Variants in RALYL observed in about 807,000 individuals in gnomAD.
RALYL encodes RNA-binding Raly-like protein.
A neutral mutation model predicts 35.1 loss-of-function variants in RALYL; 29 were observed. The ratio of observed to expected loss-of-function variants is 0.83; its 90% CI spans 0.61 to 1.13. RALYL has a LOEUF of 1.13. Among genes scored for constraint, RALYL ranks in the 50% most tolerant of loss-of-function variants. RALYL has a pLI of 0.00. For missense variants in RALYL, 359 were observed against 360.4 expected (o/e 1.00, Z 0.03); for synonymous variants, 120 against 127.6 (o/e 0.94, Z 0.40).
chr8:84,895,282 A>C (rs1240067624), intron 8 of RALYL, among the ~76,000 whole-genome samples: 1 of 152,020 alleles, frequency 6.6e-6, no homozygotes, highest in Non-Finnish European at 1.5e-5. Context: ...TAAGATAAAC[A>C]ACCATGGTGC....
chr8:84,640,323 G>A (rs1826037187), intron 2 of RALYL, among the ~76,000 whole-genome samples: 2 of 151,916 alleles, frequency 1.3e-5, no homozygotes, highest in Non-Finnish European at 2.9e-5. Flanking sequence ...AACCTAAAAT[G>A]TTGTCTCTTA....
intron 1 of RALYL, among the ~76,000 whole-genome samples, chr8:84,242,031 G>A (rs571150666): frequency 1.3e-5 from 2 of 152,130 alleles, no homozygotes; most frequent in African/African-American, 4.8e-5. Flanking sequence ...AGGCCCTAGT[G>A]TGTGTTGTTC....
intron 2 of RALYL, among the ~76,000 whole-genome samples, chr8:84,716,960 G>A (rs538926204): frequency 1.3e-5 from 2 of 152,108 alleles, no homozygotes; most frequent in South Asian, 2.1e-4. Flanking sequence ...AGGCCAAGGC[G>A]GGCAGATCAC....
At chr8:84,574,646 G>T (rs1808875995) in intron 2 of RALYL, among the ~76,000 whole-genome samples, 1 of 151,946 alleles carries the variant, frequency 6.6e-6, no homozygotes. Context: ...CATGTTTCTT[G>T]TCTCTGTTTT....
intron 8 of RALYL, among the ~76,000 whole-genome samples, chr8:84,912,477 A>T (rs1391570165): frequency 9.9e-5 from 15 of 152,100 alleles, no homozygotes; most frequent in Non-Finnish European, 5.9e-5. Flanking sequence ...TATTAAAGTT[A>T]TGTGCACATA....
rs1223636620 is a variant in RALYL, at chr8:84,362,733, G to C, written c.-23-166566G>C. ...TTGTCTTTCAGGAAACCAGTCCCTG[G>C]TGTAAAAAATTTGGAGACCACTGCT... On this transcript the variant is annotated intron_variant, in intron 1 of 8. Coordinates refer to ENST00000521268, the MANE Select transcript of RALYL (RefSeq NM_173848.7). Among the ~76,000 whole-genome samples the C allele has an allele frequency of 5.3e-5, 8 of 152,204 alleles. No homozygotes were observed. The East Asian group carries it at 1.5e-3, about 29-fold the overall frequency.
intron 8 of RALYL, among the ~76,000 whole-genome samples, chr8:84,909,007 A>G (rs544689046): frequency 1.3e-5 from 2 of 152,256 alleles, no homozygotes; most frequent in East Asian, 3.9e-4. Context: ...CAGCATTTCC[A>G]TGCCATGTAT....
rs1352887571 is a variant in RALYL at position 84,774,601 on chromosome 8, C to T, written c.279C>T (p.Pro93=). The change falls in exon 3 of 9, where the codon CCC becomes CCT. Residue 93 remains proline, a synonymous_variant. Coordinates refer to ENST00000521268, the MANE Select transcript of RALYL (RefSeq NM_173848.7). ...CAGATATCAACATGGCAGGAGAGCC[C>T]AAACCATACAGACCAAAACCTGGAA... ...QPLDINMAGE[P]KPYRPKPGNK... 1 of 1,607,916 alleles carries T rather than the reference C, an allele frequency of 6.2e-7. No homozygotes were observed. The highest frequency in any genetic ancestry group is 8.5e-7 in the Non-Finnish European group (1 of 1,176,676).
At chr8:84,816,032 CAAAAAAAAAAAAAA>C (rs5892931) in intron 4 of RALYL, among the ~76,000 whole-genome samples, 1 of 84,196 alleles carries the variant, frequency 1.2e-5, no homozygotes, top group African/African-American at 4.5e-5. Flanking sequence ...GACTCTGTCT[CAAAAAAAAAAAAAA>C]AAAAAAGAAA....
intron 1 of RALYL, among the ~76,000 whole-genome samples, chr8:84,334,199 G>A (rs1586374976): frequency 6.6e-6 from 1 of 152,030 alleles, no homozygotes; most frequent in Non-Finnish European, 1.5e-5. Context: ...TTAATACCAG[G>A]CCGTCTTTTT....
chr8:84,860,950 G>GTCTA (rs1176630045), intron 5 of RALYL, among the ~76,000 whole-genome samples: 6 of 152,092 alleles, frequency 3.9e-5, no homozygotes, highest in Non-Finnish European at 8.8e-5. Flanking sequence ...TTGGAAACCA[G>GTCTA]TCTATCTTAA....
intron 1 of RALYL, among the ~76,000 whole-genome samples, chr8:84,360,549 CTTCTTAATCT>C (rs1246497957): frequency 7.9e-5 from 12 of 152,066 alleles, no homozygotes; most frequent in Non-Finnish European, 1.8e-4. Context: ...GTAAGCATTC[CTTCTTAATCT>C]TGACTACAGG....
intron 4 of RALYL, among the ~76,000 whole-genome samples, chr8:84,806,231 A>G (rs1824563042): frequency 6.6e-6 from 1 of 152,178 alleles, no homozygotes; most frequent in African/African-American, 2.4e-5. Flanking sequence ...GGAAAATGAA[A>G]GGTCGAGTTG....
chr8:84,787,782 G>A (rs1483476061), intron 3 of RALYL, among the ~76,000 whole-genome samples: 1 of 152,202 alleles, frequency 6.6e-6, no homozygotes, highest in African/African-American at 2.4e-5. Context: ...GTGATGGTGA[G>A]CTTTGTTTCA....
At position 84,887,736 on chromosome 8, in the gene RALYL, G is replaced by T. The variant is rs765115940; in HGVS notation, c.818G>T (p.Gly273Val). 2.5e-6 allele frequency: 4 copies of T among 1,613,818 alleles called. No homozygotes were observed. The highest frequency in any genetic ancestry group is 3.4e-6 in the Non-Finnish European group (4 of 1,179,772). The part of the protein sequence containing the change: ...PDADGEEMTD[G>V]IEEDFDEDGG... The stretch of plus-strand genomic sequence containing the variant: ...GCCGATGGAGAAGAGATGACAGATG[G>T]GATAGAGGAGGACTTCGATGAAGAT... The change falls in exon 8 of 9, where the codon GGG becomes GTG. Residue 273 changes from glycine (G) to valine (V), a missense_variant. Gly to Val is a moderately radical substitution (Grantham distance 109, BLOSUM62 -3). Transcript: ENST00000521268.
At chr8:84,192,932 A>T (rs1163466731) in intron 1 of RALYL, among the ~76,000 whole-genome samples, 1 of 147,584 alleles carries the variant, frequency 6.8e-6, no homozygotes, top group Non-Finnish European at 1.5e-5. Context: ...GTACGTGTAT[A>T]TGTAAAATAA....
intron 1 of RALYL, among the ~76,000 whole-genome samples, chr8:84,371,340 G>A (rs1186863436): frequency 6.6e-6 from 1 of 151,958 alleles, no homozygotes; most frequent in Admixed American, 6.6e-5. Context: ...ATTTCGTGAT[G>A]CACGGTGACA....
At chr8:84,748,182 C>CTCTT (rs1430248249) in intron 2 of RALYL, among the ~76,000 whole-genome samples, 1 of 151,816 alleles carries the variant, frequency 6.6e-6, no homozygotes, top group African/African-American at 2.4e-5. Context: ...ATATTATTTT[C>CTCTT]TCTTTTGACT....
At chr8:84,621,196 C>T (rs1564257178) in intron 2 of RALYL, among the ~76,000 whole-genome samples, 1 of 152,174 alleles carries the variant, frequency 6.6e-6, no homozygotes, top group Non-Finnish European at 1.5e-5. Flanking sequence ...AGCCTTGCTG[C>T]CCCCTTGCAG....
Sources: gnomAD v4.1 joint callset for allele counts (sites outside exome capture counted in the v4.1 genomes callset) on GRCh38, gnomAD v4.1.1 for gene constraint, MANE v1.5 for transcripts, NCBI Gene and HGNC (gene_info 2026-07-23, HGNC 2026-07-21) for gene names.